Variants in KCNB2 observed in about 807,000 individuals in gnomAD.
KCNB2 encodes the protein delayed rectifier potassium channel protein.
KCNB2 carries 15 observed loss-of-function variants against 61.5 expected under a neutral mutation model. That is an observed-to-expected ratio of 0.24 (90% CI 0.16 to 0.38). The LOEUF (loss-of-function observed/expected upper bound fraction) is 0.38. KCNB2 is among the 10% of genes least tolerant of loss of function. The probability of loss-of-function intolerance (pLI) is 1.00; values close to 1 mark genes in which losing one functional copy is unlikely to be tolerated. For missense variants in KCNB2, 828 were observed against 1,125.2 expected, an observed-to-expected ratio of 0.74 and a Z score of 3.78; for synonymous variants, 457 against 446.0, an observed-to-expected ratio of 1.02 and a Z score of -0.31.
intron 2 of KCNB2, among the ~76,000 whole-genome samples, chr8:72,581,821 G>C (rs1806902761): frequency 6.6e-6 from 1 of 152,202 alleles, no homozygotes; most frequent in Non-Finnish European, 1.5e-5. Flanking sequence ...TGACAGGCAG[G>C]TTTGCAGATG....
chr8:72,890,442 T>C (rs1008118319), intron 2 of KCNB2, among the ~76,000 whole-genome samples: 8 of 152,208 alleles, frequency 5.3e-5, no homozygotes, highest in Non-Finnish European at 1.2e-4. Flanking sequence ...GCTTATACTA[T>C]GCCGTCTTAG....
chr8:72,739,783 A>G (rs1464777886), intron 2 of KCNB2, among the ~76,000 whole-genome samples: 1 of 152,122 alleles, frequency 6.6e-6, no homozygotes, highest in East Asian at 1.9e-4. Flanking sequence ...TAGAAAGGGT[A>G]CTCAATCATC....
At chr8:72,753,327 C>T (rs571955243) in intron 2 of KCNB2, among the ~76,000 whole-genome samples, 3 of 152,174 alleles carry the variant, frequency 2.0e-5, no homozygotes, top group Non-Finnish European at 2.9e-5. Context: ...TCATAATGAT[C>T]ATTTTAGCAA....
chr8:72,700,422 C>G (rs1243539368), intron 2 of KCNB2, among the ~76,000 whole-genome samples: 3 of 151,924 alleles, frequency 2.0e-5, no homozygotes, highest in African/African-American at 7.3e-5. Flanking sequence ...ACACTTCTTA[C>G]AAGAAGACAG....
Position 72,711,586 on chromosome 8 carries a change from T to C in KCNB2, c.579+143273T>C, listed in dbSNP as rs144668698. 8.5e-5 allele frequency among the ~76,000 whole-genome samples: 13 copies of C among 152,338 alleles called. No individual in the cohort carries two copies. The East Asian group carries it at 2.5e-3, about 29-fold the overall frequency. On this transcript the variant is annotated intron_variant, in intron 2 of 2. Coordinates refer to ENST00000523207, the MANE Select transcript of KCNB2 (RefSeq NM_004770.3). ...ATAATATTATATTTATGATGTACCC[T>C]AGAGGATGAATAGCCAGGCAAAGAC...
chr8:72,725,529 A>ATATATATATG (rs1563571841), intron 2 of KCNB2, among the ~76,000 whole-genome samples: 2,817 of 82,002 alleles, frequency 0.034, 114 homozygotes, highest in South Asian at 0.073. Flanking sequence ...ATATATATAT[A>ATATATATATG]TATATATATA....
chr8:72,642,843 A>G (rs1383435603), intron 2 of KCNB2, among the ~76,000 whole-genome samples: 2 of 152,140 alleles, frequency 1.3e-5, no homozygotes, highest in East Asian at 3.9e-4. Context: ...GTTGAGACAT[A>G]TTTTGTAGCA....
intron 1 of KCNB2, among the ~76,000 whole-genome samples, chr8:72,545,709 C>G (rs1460103948): frequency 6.6e-6 from 1 of 152,062 alleles, no homozygotes; most frequent in Non-Finnish European, 1.5e-5. Context: ...CACTTTAAAT[C>G]AAAAGCTAGA....
intron 1 of KCNB2, among the ~76,000 whole-genome samples, chr8:72,540,238 C>T (rs1315444204): frequency 1.3e-5 from 2 of 151,940 alleles, no homozygotes; most frequent in East Asian, 3.8e-4. Flanking sequence ...CTAATTAGTT[C>T]CTTTAAAACT....
At position 72,862,230 on chromosome 8, in the gene KCNB2, T is replaced by TA. The variant is rs951039050; in HGVS notation, c.580-73697dup. Among the ~76,000 whole-genome samples the TA allele has an allele frequency of 5.3e-5, 8 of 151,978 alleles. 1 individual carries two copies. The highest frequency in any genetic ancestry group is 1.9e-4 in the East Asian group (1 of 5,190). ...GCAATTTGAAACTCAAAGAAACTTG[T>TA]AAAAAAAATGGCCACCATTTTTAAT... is the stretch of plus-strand genomic sequence containing the variant. On this transcript the variant is annotated intron_variant, in intron 2 of 2. Coordinates refer to ENST00000523207, the MANE Select transcript of KCNB2 (RefSeq NM_004770.3).
intron 2 of KCNB2, among the ~76,000 whole-genome samples, chr8:72,623,602 G>A (rs571827561): frequency 6.6e-6 from 1 of 152,294 alleles, no homozygotes; most frequent in East Asian, 1.9e-4. Flanking sequence ...GAAAATATGA[G>A]TCACAACCTA....
intron 2 of KCNB2, among the ~76,000 whole-genome samples, chr8:72,924,512 C>T (rs1231072011): frequency 6.6e-6 from 1 of 152,138 alleles, no homozygotes; most frequent in Admixed American, 6.5e-5. Flanking sequence ...CTAATCTGTT[C>T]CCAGGTGATG....
chr8:72,583,803 T>C (rs1362589003), intron 2 of KCNB2, among the ~76,000 whole-genome samples: 2 of 148,458 alleles, frequency 1.3e-5, no homozygotes, highest in Non-Finnish European at 3.0e-5. Flanking sequence ...TGAAAAATCA[T>C]CTAAAATATT....
intron 2 of KCNB2, among the ~76,000 whole-genome samples, chr8:72,605,388 C>G (rs1191077941): frequency 6.6e-6 from 1 of 152,018 alleles, no homozygotes; most frequent in African/African-American, 2.4e-5. Context: ...GTTCTTTGGG[C>G]CTATTTGTGT....
intron 2 of KCNB2, among the ~76,000 whole-genome samples, chr8:72,747,743 G>A (rs1808103277): frequency 6.6e-6 from 1 of 152,142 alleles, no homozygotes; most frequent in Admixed American, 6.5e-5. Flanking sequence ...ACTACAGTAA[G>A]AAAATATATT....
intron 2 of KCNB2, among the ~76,000 whole-genome samples, chr8:72,683,317 A>T (rs1039843949): frequency 2.0e-5 from 3 of 152,174 alleles, no homozygotes; most frequent in African/African-American, 7.2e-5. Flanking sequence ...TAATTCATTT[A>T]CTTATTCCAT....
At chr8:72,926,062 A>G (rs1055279150) in intron 2 of KCNB2, among the ~76,000 whole-genome samples, 10 of 152,172 alleles carry the variant, frequency 6.6e-5, no homozygotes, top group Admixed American at 1.3e-4. Flanking sequence ...ACATGGACAC[A>G]TTGTGGGGAA....
At chr8:72,659,848 C>A (rs941029491) in intron 2 of KCNB2, among the ~76,000 whole-genome samples, 1 of 152,190 alleles carries the variant, frequency 6.6e-6, no homozygotes, top group Non-Finnish European at 1.5e-5. Context: ...AATGCTATTG[C>A]ACACTTCATA....
At chr8:72,886,799 G>A (rs1585952988) in intron 2 of KCNB2, among the ~76,000 whole-genome samples, 1 of 152,234 alleles carries the variant, frequency 6.6e-6, no homozygotes, top group East Asian at 1.9e-4. Flanking sequence ...AGTGGCAGCT[G>A]GCACATTGTG....
Sources: gnomAD v4.1 joint callset for allele counts (sites outside exome capture counted in the v4.1 genomes callset) on GRCh38, gnomAD v4.1.1 for gene constraint, MANE v1.5 for transcripts, NCBI Gene and HGNC (gene_info 2026-07-23, HGNC 2026-07-21) for gene names.